Variants in MED12L observed in about 807,000 individuals in gnomAD.
MED12L encodes the protein mediator complex subunit 12L, also known as mediator of RNA polymerase II transcription subunit 12-like protein.
Under a neutral mutation model 281.3 loss-of-function variants are expected in MED12L, and 60 were observed. The ratio of observed to expected loss-of-function variants is 0.21; its 90% CI spans 0.17 to 0.26. The LOEUF (loss-of-function observed/expected upper bound fraction) is 0.26. MED12L is among the 10% of genes least tolerant of loss of function. The pLI is 1.00. For missense variants in MED12L, 2,146 were observed against 2,680.9 expected (o/e 0.80, Z 4.41); for synonymous variants, 974 against 987.2 (o/e 0.99, Z 0.25).
At chr3:151,304,619 T>A (rs2149741771) in intron 16 of MED12L, among the ~76,000 whole-genome samples, 1 of 151,806 alleles carries the variant, frequency 6.6e-6, no homozygotes, top group Non-Finnish European at 1.5e-5. Context: ...AATCCTGCCT[T>A]GACCTCTAGC....
intron 16 of MED12L, among the ~76,000 whole-genome samples, chr3:151,274,597 A>G (rs1741541867): frequency 6.6e-6 from 1 of 152,254 alleles, no homozygotes; most frequent in African/African-American, 2.4e-5. Context: ...CTGTACATGC[A>G]GGGCTATCAG....
chr3:151,214,718 C>G (rs1364008022), intron 16 of MED12L, among the ~76,000 whole-genome samples: 1 of 152,052 alleles, frequency 6.6e-6, no homozygotes, highest in South Asian at 2.1e-4. Context: ...CTGAGAACTT[C>G]TAGGTAATAC....
At chr3:151,106,836 C>T (rs1312436564) in intron 2 of MED12L, among the ~76,000 whole-genome samples, 2 of 152,170 alleles carry the variant, frequency 1.3e-5, no homozygotes, top group African/African-American at 2.4e-5. Flanking sequence ...GCTACTTCAA[C>T]TCTTTTATGT....
At chr3:151,178,157 CAAAAAAAA>C (rs10572929) in intron 11 of MED12L, among the ~76,000 whole-genome samples, 13 of 49,172 alleles carry the variant, frequency 2.6e-4, no homozygotes, top group East Asian at 2.6e-3. Flanking sequence ...GACTTGGTCT[CAAAAAAAA>C]AAAAAAAAAA....
chr3:151,187,094 A>G (rs1469357011), intron 12 of MED12L, among the ~76,000 whole-genome samples: 1 of 152,216 alleles, frequency 6.6e-6, no homozygotes, highest in East Asian at 1.9e-4. Context: ...CATATTGTTG[A>G]AACTGGGGCT....
At chr3:151,386,719 G>T (rs1713433649) in intron 36 of MED12L, among the ~76,000 whole-genome samples, 2 of 151,970 alleles carry the variant, frequency 1.3e-5, no homozygotes, top group Non-Finnish European at 2.9e-5. Flanking sequence ...GAGATTACAG[G>T]TGCCTGCCAT....
At chr3:151,196,654 C>T (rs1396702981) in intron 16 of MED12L, among the ~76,000 whole-genome samples, 2 of 152,208 alleles carry the variant, frequency 1.3e-5, no homozygotes, top group Non-Finnish European at 2.9e-5. Flanking sequence ...CAGCCTGCAA[C>T]TGAGGTAAGT....
chr3:151,253,860 G>A (rs1466585110), intron 16 of MED12L, among the ~76,000 whole-genome samples: 1 of 151,910 alleles, frequency 6.6e-6, no homozygotes, highest in Non-Finnish European at 1.5e-5. Context: ...CTAAGACTTA[G>A]CTCCACTGAA....
Position 151,190,745 on chromosome 3 carries a change from G to A in MED12L, c.1782G>A (p.Val594=). The change falls in exon 14 of 45, where the codon GTG becomes GTA. Residue 594 remains valine (V), a synonymous_variant. Coordinates refer to ENST00000687756, the MANE Select transcript of MED12L (RefSeq NM_001393769.1). ...ACCCAAACAGTGAATGTGAAAAGGT[G>A]GAATTTGTGAACCTGGTGCTGCTCT... ...LSDPNSECEK[V]EFVNLVLLFC... 1 of 1,614,148 alleles carries A rather than the reference G, an allele frequency of 6.2e-7. No individual in the cohort carries two copies. Among genetic ancestry groups the A allele is most frequent in the East Asian group, 2.2e-5 (1 of 44,880 alleles).
rs1755526574 is a variant in MED12L, at chr3:151,368,194, C to T, written c.3493C>T (p.Arg1165Ter). Residue 1165 changes from arginine (R) to a stop codon, truncating the protein, a stop_gained, in exon 25 of 45, where the codon CGA (arginine) becomes TGA (stop). Coordinates refer to ENST00000687756, the MANE Select transcript of MED12L (RefSeq NM_001393769.1). LOFTEE classifies it high-confidence loss of function. ...DAEPGARMTC[R>*]LLLHLFRAPQ... ...CGAGCCTGGGGCGAGAATGACATGC[C>T]GACTCTTGCTTCATCTCTTCCGAGC... 6.2e-7 allele frequency: 1 copy of T among 1,614,038 alleles called. No individual in the cohort carries two copies. The highest frequency in any genetic ancestry group is 8.5e-7 in the Non-Finnish European group (1 of 1,179,974).
At chr3:151,234,071 A>G (rs1463590419) in intron 16 of MED12L, among the ~76,000 whole-genome samples, 1 of 152,236 alleles carries the variant, frequency 6.6e-6, no homozygotes, top group African/African-American at 2.4e-5. Flanking sequence ...TGAGCATTTT[A>G]ACTTTTAGGT....
At chr3:151,350,610 GT>G (rs1407427071) in intron 17 of MED12L, among the ~76,000 whole-genome samples, 2 of 151,698 alleles carry the variant, frequency 1.3e-5, no homozygotes, top group Non-Finnish European at 2.9e-5. Context: ...CTTGTGGTTA[GT>G]TTTTTTTCTG....
At chr3:151,296,644 A>AT (rs534972306) in intron 16 of MED12L, among the ~76,000 whole-genome samples, 71 of 150,902 alleles carry the variant, frequency 4.7e-4, no homozygotes, top group African/African-American at 1.7e-3. Flanking sequence ...GCTTGTCCCC[A>AT]TTTTCCCTGG....
chr3:151,308,129 T>C (rs1045646082), intron 16 of MED12L, among the ~76,000 whole-genome samples: 1 of 152,198 alleles, frequency 6.6e-6, no homozygotes, highest in African/African-American at 2.4e-5. Flanking sequence ...TCATGGCAAG[T>C]ATACTTTGCT....
At chr3:151,179,415 A>G (rs982240105) in intron 11 of MED12L, among the ~76,000 whole-genome samples, 1 of 152,142 alleles carries the variant, frequency 6.6e-6, no homozygotes, top group African/African-American at 2.4e-5. Context: ...TTGGCATCTG[A>G]AATGTTTTAC....
Position 151,259,463 on chromosome 3 carries a change from A to T in MED12L, c.2250+65797A>T, listed in dbSNP as rs1040900624. On this transcript the variant is annotated intron_variant, in intron 16 of 44. Coordinates refer to ENST00000687756, the MANE Select transcript of MED12L (RefSeq NM_001393769.1). Reference sequence around the variant, plus strand: ...TCAACCTGGACACTTTTGAGAATGAAAAGAGGACTTAATTACATGGGGACA... The same window carrying T: ...TCAACCTGGACACTTTTGAGAATGATAAGAGGACTTAATTACATGGGGACA... 6.6e-5 allele frequency among the ~76,000 whole-genome samples: 10 copies of T among 152,332 alleles called. No individual in the cohort carries two copies. In the East Asian group the frequency reaches 1.9e-3, roughly 29 times the overall value.
At chr3:151,227,529 G>A (rs1730778327) in intron 16 of MED12L, among the ~76,000 whole-genome samples, 1 of 152,220 alleles carries the variant, frequency 6.6e-6, no homozygotes, top group Admixed American at 6.5e-5. Context: ...GTGGCAGACT[G>A]CAAGTCTAGC....
intron 43 of MED12L, among the ~76,000 whole-genome samples, chr3:151,422,482 C>T (rs1170311534): frequency 1.3e-5 from 2 of 152,196 alleles, no homozygotes; most frequent in East Asian, 1.9e-4. Flanking sequence ...TGAGCTTTGC[C>T]TCCACCTTCG....
chr3:151,120,991 T>C (rs1002322650), intron 3 of MED12L, among the ~76,000 whole-genome samples: 3 of 152,194 alleles, frequency 2.0e-5, no homozygotes, highest in African/African-American at 7.2e-5. Context: ...TATAGGAGAA[T>C]ATAATTATAA....
Sources: allele counts gnomAD v4.1 joint callset (sites outside exome capture counted in the v4.1 genomes callset), GRCh38; gene constraint gnomAD v4.1.1; transcripts MANE v1.5; gene names NCBI Gene and HGNC (gene_info 2026-07-23, HGNC 2026-07-21).